The following SLC71A2 variants were observed in gnomAD, a reference collection of about 807,000 sequenced individuals.
SLC71A2 encodes solute carrier family 71 member 2, also known as hippocampus abundant transcript-like 1.
chr9:94,380,440 T>C, the SLC71A2 span, among the ~76,000 whole-genome samples: 3 of 126,188 alleles, frequency 2.4e-5, no homozygotes, highest in Non-Finnish European at 4.9e-5. Flanking sequence ...TCTGTGAGAA[T>C]TGGAGAGAAA....
the SLC71A2 span, among the ~76,000 whole-genome samples, chr9:94,430,339 T>C: frequency 1.4e-4 from 21 of 152,076 alleles, no homozygotes; most frequent in East Asian, 3.3e-3. Context: ...TCTCCTGCCT[T>C]AGTCTTCTGA....
At chr9:94,448,027 C>T in the SLC71A2 span, among the ~76,000 whole-genome samples, 12 of 152,212 alleles carry the variant, frequency 7.9e-5, no homozygotes, top group Non-Finnish European at 1.2e-4. Context: ...TCCATTCACC[C>T]ACTGAACGAC....
the SLC71A2 span, among the ~76,000 whole-genome samples, chr9:94,454,453 T>C: frequency 5.3e-5 from 8 of 152,010 alleles, no homozygotes; most frequent in African/African-American, 1.9e-4. Flanking sequence ...CTGCAACCTC[T>C]ACCACCCGGA....
chr9:94,419,355 C>G, the SLC71A2 span, among the ~76,000 whole-genome samples: 1 of 147,438 alleles, frequency 6.8e-6, no homozygotes, highest in East Asian at 2.0e-4. Context: ...AGTGCAGTGG[C>G]GGATCTTGGC....
chr9:94,444,092 T>C, the SLC71A2 span, among the ~76,000 whole-genome samples: 1 of 152,224 alleles, frequency 6.6e-6, no homozygotes, highest in Non-Finnish European at 1.5e-5. Context: ...AATTTTGGGA[T>C]TTTTAATAAA....
chr9:94,439,022 G>GTTTTTTTTTTTTTTT, the SLC71A2 span, among the ~76,000 whole-genome samples: 10 of 115,686 alleles, frequency 8.6e-5, 1 homozygote, highest in South Asian at 5.5e-4. Flanking sequence ...ATTTGAGTTC[G>GTTTTTTTTTTTTTTT]TTTTTTTTTT....
chr9:94,418,590 C>T, the SLC71A2 span, among the ~76,000 whole-genome samples: 1 of 151,892 alleles, frequency 6.6e-6, no homozygotes, highest in Non-Finnish European at 1.5e-5. Context: ...TGTGTGCCAC[C>T]ACGTCCGACT....
At chr9:94,418,796 G>A in the SLC71A2 span, among the ~76,000 whole-genome samples, 239 of 125,072 alleles carry the variant, frequency 1.9e-3, 1 homozygote, top group African/African-American at 7.0e-3. Context: ...GTCTCACTAT[G>A]TTGTCTAGGC....
chr9:94,434,452 G>A, the SLC71A2 span, among the ~76,000 whole-genome samples: 3 of 152,258 alleles, frequency 2.0e-5, no homozygotes, highest in East Asian at 1.9e-4. Flanking sequence ...AAGTAGCTGA[G>A]ATTACAGGCA....
the SLC71A2 span, among the ~76,000 whole-genome samples, chr9:94,420,857 C>A: frequency 0.033 from 5,040 of 152,070 alleles, 276 homozygotes; most frequent in African/African-American, 0.11. Context: ...CGAGATCATG[C>A]CATTGCACTC....
chr9:94,390,163 G>A, the SLC71A2 span, among the ~76,000 whole-genome samples: 6 of 151,956 alleles, frequency 3.9e-5, no homozygotes, highest in South Asian at 4.1e-4. Flanking sequence ...GCAGTGAGCC[G>A]AGATCGCGCC....
the SLC71A2 span, among the ~76,000 whole-genome samples, chr9:94,424,844 A>G: frequency 5.8e-5 from 8 of 138,966 alleles, no homozygotes; most frequent in Admixed American, 5.9e-4. Context: ...GGTTCAAGTG[A>G]TTCTCCTGCC....
chr9:94,399,042 C>T, the SLC71A2 span, among the ~76,000 whole-genome samples: 1,566 of 151,740 alleles, frequency 0.01, 25 homozygotes, highest in African/African-American at 0.036. Flanking sequence ...TTTCGAACTC[C>T]TGACTTCAGG....
At chr9:94,446,423 G>A in the SLC71A2 span, among the ~76,000 whole-genome samples, 13 of 152,110 alleles carry the variant, frequency 8.5e-5, no homozygotes, top group Non-Finnish European at 1.6e-4. Flanking sequence ...TTACCTATAC[G>A]GAAACGCTCT....
At chr9:94,386,814 G>C in the SLC71A2 span, among the ~76,000 whole-genome samples, 9 of 152,216 alleles carry the variant, frequency 5.9e-5, no homozygotes, top group African/African-American at 2.2e-4. Flanking sequence ...AGTGTGTCTT[G>C]GTTGTATAAA....
the SLC71A2 span, among the ~76,000 whole-genome samples, chr9:94,387,877 G>A: frequency 1.2e-4 from 19 of 152,284 alleles, no homozygotes; most frequent in Non-Finnish European, 2.1e-4. Context: ...GTCAAGCCAC[G>A]AGGAGATCTG....
At chr9:94,426,796 C>T in the SLC71A2 span, among the ~76,000 whole-genome samples, 1 of 152,038 alleles carries the variant, frequency 6.6e-6, no homozygotes, top group Non-Finnish European at 1.5e-5. Context: ...CTCAAGAATA[C>T]TTAAAGGGGA....
chr9:94,418,720 A>G, the SLC71A2 span, among the ~76,000 whole-genome samples: 150,817 of 151,358 alleles, frequency 1, 75,143 homozygotes, highest in Middle Eastern at 1. Flanking sequence ...GATTATAGGC[A>G]TAAGCCACCA....
At chr9:94,409,373 CTTCT>C in the SLC71A2 span, among the ~76,000 whole-genome samples, 1 of 15,142 alleles carries the variant, frequency 6.6e-5, no homozygotes, top group African/African-American at 1.3e-3. Flanking sequence ...CTGGTCTTAA[CTTCT>C]TAACTCCTGG....
Sources: allele counts gnomAD v4.1 joint callset (sites outside exome capture counted in the v4.1 genomes callset), GRCh38; gene constraint gnomAD v4.1.1; transcripts MANE v1.5; gene names NCBI Gene and HGNC (gene_info 2026-07-23, HGNC 2026-07-21).